Variants in ANAPC1 observed in about 807,000 individuals in gnomAD.
The protein encoded by ANAPC1 is anaphase-promoting complex subunit 1.
ANAPC1 carries 36 observed loss-of-function variants against 208.0 expected under a neutral mutation model. The observed-to-expected ratio is 0.17, with a 90% CI of 0.13 to 0.23. The LOEUF (loss-of-function observed/expected upper bound fraction) is 0.23, where lower values mean the gene tolerates loss of function less well. Ranked by LOEUF, ANAPC1 falls within the 10% of genes least tolerant of loss-of-function variation. The probability of loss-of-function intolerance (pLI) is 1.00; values close to 1 mark genes in which losing one functional copy is unlikely to be tolerated. For synonymous variants in ANAPC1, 378 were observed against 695.2 expected (o/e 0.54, Z 7.18); for missense variants, 942 against 2,011.6 (o/e 0.47, Z 10.17).
intron 38 of ANAPC1, among the ~76,000 whole-genome samples, chr2:111,789,056 T>C (rs1442554560): frequency 6.6e-6 from 1 of 152,176 alleles, no homozygotes; most frequent in African/African-American, 2.4e-5. Context: ...GAGAATGGCG[T>C]GAACCCGGGA....
downstream of ANAPC1, chr2:111,766,534 A>G (rs1413894801): frequency 5.6e-6 from 1 of 178,100 alleles, no homozygotes; most frequent in Non-Finnish European, 1.2e-5. Context: ...AGGGGATCAG[A>G]TTCTGTGTCC....
chr2:111,826,880 C>T (rs1309388162), intron 21 of ANAPC1, among the ~76,000 whole-genome samples: 1 of 152,040 alleles, frequency 6.6e-6, no homozygotes, highest in Non-Finnish European at 1.5e-5. Context: ...AGGATGGTCT[C>T]GATCTCCTGA....
At position 111,873,377 on chromosome 2, in the gene ANAPC1, T is replaced by C. The variant is rs777583199; in HGVS notation, c.459A>G (p.Ile153Met). 9.3e-6 allele frequency: 15 copies of C among 1,606,936 alleles called. No homozygotes were observed. Among genetic ancestry groups the C allele is most frequent in the Non-Finnish European group, 1.2e-5 (14 of 1,177,552 alleles). ...SSNEVEKCICILQSSCINMHS... is the reference protein window; with the variant it reads ...SSNEVEKCICMLQSSCINMHS... ...GCATGTTAATACATGAGCTTTGCAATATACATATGCATTTTTCTACTTCAT... is the reference window on the plus strand; with the variant it reads ...GCATGTTAATACATGAGCTTTGCAACATACATATGCATTTTTCTACTTCAT... Residue 153 changes from isoleucine (I) to methionine (M), a missense_variant, in exon 5 of 48, where the codon ATA becomes ATG. By Grantham distance (10) the Ile-to-Met change is conservative (BLOSUM62 1). Transcript: ENST00000341068.
At chr2:111,816,495 CT>C (rs1679247323) in intron 27 of ANAPC1, among the ~76,000 whole-genome samples, 1 of 151,588 alleles carries the variant, frequency 6.6e-6, no homozygotes, top group South Asian at 2.1e-4. Context: ...CCAGATTATA[CT>C]TTTACGGTCC....
chr2:111,833,460 C>G lies in ANAPC1; in HGVS notation c.2385-149G>C, dbSNP rs1680290675. The G allele has an allele frequency of 3.0e-6, 4 of 1,325,894 alleles. No individual in the cohort carries two copies. The African/African-American group carries it at 4.4e-5, about 15-fold the overall frequency. 82.1% of individuals were successfully genotyped at this position (1,325,894 alleles called of 1,614,324 possible). A position where few individuals can be genotyped will look rare whatever the true frequency, so the allele number is the denominator to read the frequency against. On this transcript the variant is annotated intron_variant, in intron 19 of 47. Transcript: ENST00000341068. ...AGAGTCTCTCTATTGTATTTTTGGA[C>G]TTTAAAGTGCCCAGTGTGACAAATG...
In ANAPC1 at chr2:111,806,296, C is replaced by T. The variant is rs1341845756; in HGVS notation, c.3833-403G>A. Among the ~76,000 whole-genome samples, 139 of 58,454 alleles carry T rather than the reference C, an allele frequency of 2.4e-3. 3 individuals are homozygous for T. The highest frequency in any genetic ancestry group is 9.0e-3 in the African/African-American group (128 of 14,190). The allele number at this position is 58,454 out of a possible 152,430, so 38.3% of individuals were successfully genotyped here. On this transcript the variant is annotated intron_variant, in intron 29 of 47. Transcript: ENST00000341068. ...CCTGTAATCCCAGCATTTTGGGAGG[C>T]CGAGGCAGGTGGATCACTTGACGTC...
rs1287867605 is a variant in ANAPC1, at chr2:111,847,172, C to T, written c.1818G>A (p.Arg606=). The part of the protein sequence containing the change: ...TLELSNGSMV[R]ITIPEIATSE... ...AGGTGGCAATTTCAGGAATAGTGAT[C>T]CTAACCATGGAGCCATTACTCAGTT... Residue 606 remains arginine, a synonymous_variant, in exon 16 of 48, where the codon AGG becomes AGA. Transcript: ENST00000341068. 1 of 1,610,678 alleles carries T rather than the reference C, an allele frequency of 6.2e-7. No individual in the cohort carries two copies. Among genetic ancestry groups the T allele is most frequent in the African/African-American group, 1.3e-5 (1 of 74,780 alleles).
chr2:111,798,707 A>G (rs979459525), intron 34 of ANAPC1, among the ~76,000 whole-genome samples: 20 of 152,200 alleles, frequency 1.3e-4, no homozygotes, highest in Admixed American at 9.8e-4. Context: ...GAAAATGAAT[A>G]TGCAAGCCAC....
At chr2:111,788,840 T>C (rs2104516286) in intron 38 of ANAPC1, among the ~76,000 whole-genome samples, 1 of 152,094 alleles carries the variant, frequency 6.6e-6, no homozygotes, top group Non-Finnish European at 1.5e-5. Context: ...AAAGTTATCA[T>C]TAAAAAGTTA....
At chr2:111,769,838 G>A (rs1175586519) in intron 47 of ANAPC1, among the ~76,000 whole-genome samples, 3 of 148,644 alleles carry the variant, frequency 2.0e-5, no homozygotes, top group African/African-American at 7.4e-5. Context: ...CCACCACCAC[G>A]CCCAGCTAAT....
rs1206154653 is a variant in ANAPC1, at chr2:111,884,175, C to T, written c.-258G>A. On this transcript the variant is annotated 5_prime_UTR_variant, in exon 1 of 48. Coordinates refer to ENST00000341068, the MANE Select transcript of ANAPC1 (RefSeq NM_022662.4). ...GTTCAAATGGACGCGTCCATCTTGA[C>T]TTTCCCGTCTTGCCTCGCGCCGGGG... 1.3e-5 allele frequency: 2 copies of T among 152,320 alleles called. No homozygotes were observed. Among genetic ancestry groups the T allele is most frequent in the Admixed American group, 6.5e-5 (1 of 15,284 alleles). 9.4% of individuals were successfully genotyped at this position (152,320 alleles called of 1,614,324 possible).
At chr2:111,874,925 C>T (rs1302283958) in intron 3 of ANAPC1, among the ~76,000 whole-genome samples, 3 of 152,192 alleles carry the variant, frequency 2.0e-5, no homozygotes, top group African/African-American at 7.2e-5. Context: ...TCACATGACC[C>T]CCCTGCCTCA....
chr2:111,829,217 A>C (rs1306376602), intron 21 of ANAPC1, among the ~76,000 whole-genome samples: 1 of 152,198 alleles, frequency 6.6e-6, no homozygotes, highest in East Asian at 1.9e-4. Flanking sequence ...GTCTCAAGAA[A>C]CAATAATAAT....
intron 27 of ANAPC1, among the ~76,000 whole-genome samples, chr2:111,817,524 T>C (rs1374189518): frequency 1.1e-4 from 17 of 152,100 alleles, no homozygotes; most frequent in Admixed American, 1.1e-3. Flanking sequence ...TAAAAGCAAC[T>C]CTGCTCACTA....
At chr2:111,843,150 C>T (rs185003941) in intron 17 of ANAPC1, among the ~76,000 whole-genome samples, 6,971 of 152,238 alleles carry the variant, frequency 0.046, 220 homozygotes, top group Non-Finnish European at 0.064. Context: ...GCATAACTTG[C>T]AGTCATTTTA....
At chr2:111,835,949 C>T (rs1038695101) in intron 18 of ANAPC1, among the ~76,000 whole-genome samples, 22 of 143,622 alleles carry the variant, frequency 1.5e-4, no homozygotes, top group Admixed American at 2.7e-4. Flanking sequence ...AAAATATGGT[C>T]AAGAACTCAT....
chr2:111,843,484 C>G lies in ANAPC1; in HGVS notation c.1968G>C (p.Glu656Asp). 6.2e-7 allele frequency: 1 copy of G among 1,611,972 alleles called. No homozygotes were observed. The highest frequency in any genetic ancestry group is 1.1e-5 in the South Asian group (1 of 90,992). Residue 656 changes from glutamate to aspartate, a missense_variant, in exon 17 of 48, where the codon GAG becomes GAC. Glu to Asp is a conservative substitution (Grantham distance 45, BLOSUM62 2). Transcript: ENST00000341068. ...SAPGGPSYHSEWNLFVTCLMN... is the reference protein window; with the variant it reads ...SAPGGPSYHSDWNLFVTCLMN... The stretch of plus-strand genomic sequence containing the variant: ...TGAGACAAGTCACAAATAAATTCCA[C>G]TCTGAGTGATAACTGGGTCCTCCTG...
chr2:111,832,152 G>A (rs1680174664), intron 20 of ANAPC1, among the ~76,000 whole-genome samples: 1 of 150,978 alleles, frequency 6.6e-6, no homozygotes. Context: ...AATTAGCCAG[G>A]CGTGGTGGCA....
chr2:111,821,605 A>G (rs1482536707), intron 25 of ANAPC1, 152 bp from the exon 26 acceptor site: 1 of 610,954 alleles, frequency 1.6e-6, no homozygotes, highest in Non-Finnish European at 2.9e-6. Flanking sequence ...CGCAATGTAT[A>G]CTGGGACTCT....
Sources: gnomAD v4.1 joint callset for allele counts (sites outside exome capture counted in the v4.1 genomes callset) on GRCh38, gnomAD v4.1.1 for gene constraint, MANE v1.5 for transcripts, NCBI Gene and HGNC (gene_info 2026-07-23, HGNC 2026-07-21) for gene names.